UGT1A10: variants seen among roughly 807,000 people sequenced by gnomAD.
The protein encoded by UGT1A10 is UDP glucuronosyltransferase family 1 member A10, also known as UDP-glucuronosyltransferase 1A10.
In UGT1A10, 49 loss-of-function variants were observed where a neutral mutation model predicts 45.8. That is an observed-to-expected ratio of 1.07 (90% CI 0.85 to 1.36). UGT1A10 has a LOEUF of 1.36. Among genes scored for constraint, UGT1A10 ranks in the 40% most tolerant of loss-of-function variants. The probability of loss-of-function intolerance (pLI) is 0.00; values close to 1 mark genes in which losing one functional copy is unlikely to be tolerated. For missense variants in UGT1A10, 745 were observed against 668.6 expected (o/e 1.11, Z -1.26); for synonymous variants, 284 against 249.7 (o/e 1.14, Z -1.29).
chr2:233,746,671 G>C (rs1345040800), intron 1 of UGT1A10, among the ~76,000 whole-genome samples: 1 of 151,792 alleles, frequency 6.6e-6, no homozygotes, highest in East Asian at 1.9e-4. Flanking sequence ...TCCTAGCATA[G>C]TAGGTAGGGC....
intron 1 of UGT1A10, among the ~76,000 whole-genome samples, chr2:233,759,233 GA>G (rs1406502603): frequency 6.6e-6 from 1 of 152,188 alleles, no homozygotes; most frequent in Non-Finnish European, 1.5e-5. Flanking sequence ...ATGAAGGATG[GA>G]AACTTGCTTA....
chr2:233,729,976 A>T (rs201645683), intron 1 of UGT1A10: 1 of 1,614,046 alleles, frequency 6.2e-7, no homozygotes, highest in South Asian at 1.1e-5. Context: ...CTGTGCCAAC[A>T]GGAAGCCACT....
At chr2:233,689,817 A>G in intron 1 of UGT1A10, 1 of 442,316 alleles carries the variant, frequency 2.3e-6, no homozygotes, top group Admixed American at 2.5e-5. Context: ...GAAACCAAAC[A>G]TCTCTGGACT....
intron 1 of UGT1A10, among the ~76,000 whole-genome samples, chr2:233,711,537 T>C (rs545731448): frequency 6.6e-6 from 1 of 152,282 alleles, no homozygotes; most frequent in African/African-American, 2.4e-5. Flanking sequence ...TCCCCGGGAA[T>C]CATCCTCCCC....
At chr2:233,695,006 T>C (rs184131537) in intron 1 of UGT1A10, among the ~76,000 whole-genome samples, 12 of 152,350 alleles carry the variant, frequency 7.9e-5, no homozygotes, top group African/African-American at 2.2e-4. Context: ...TCTTCATTTC[T>C]AGCTATTTTG....
intron 1 of UGT1A10, among the ~76,000 whole-genome samples, chr2:233,656,340 G>T (rs2073852822): frequency 6.6e-6 from 1 of 152,186 alleles, no homozygotes; most frequent in South Asian, 2.1e-4. Flanking sequence ...CCAGTCACTG[G>T]TCTTCTTACC....
Position 233,731,284 on chromosome 2 carries a change from C to CTT in UGT1A10, c.856-35737_856-35736dup, listed in dbSNP as rs78127606. 2.2e-3 allele frequency among the ~76,000 whole-genome samples: 301 copies of CTT among 139,786 alleles called. 4 individuals are homozygous for CTT. Among genetic ancestry groups the CTT allele is most frequent in the African/African-American group, 6.8e-3 (261 of 38,534 alleles). 91.7% of individuals were successfully genotyped at this position (139,786 alleles called of 152,430 possible). A position where few individuals can be genotyped will look rare whatever the true frequency, so the allele number is the denominator to read the frequency against. On this transcript the variant is annotated intron_variant, in intron 1 of 4. Coordinates refer to ENST00000344644, the MANE Select transcript of UGT1A10 (RefSeq NM_019075.4). The stretch of plus-strand genomic sequence containing the variant: ...ACTGTTGCCCTTCCAGTTTTTCTTT[C>CTT]TTTTTTTTTTTTTTATTATACTTTA...
chr2:233,721,442 T>G (rs543362846), intron 1 of UGT1A10: 10 of 162,688 alleles, frequency 6.1e-5, no homozygotes, highest in Admixed American at 1.3e-4. Context: ...TTAATGTTGT[T>G]ATAGTGAGCA....
intron 1 of UGT1A10, chr2:233,747,298 G>T: frequency 6.2e-7 from 1 of 1,602,264 alleles, no homozygotes; most frequent in Non-Finnish European, 8.5e-7. Flanking sequence ...GGCTGAGAGT[G>T]GGAAGGTGCT....
chr2:233,724,361 G>C (rs2077237961), intron 1 of UGT1A10, among the ~76,000 whole-genome samples: 2 of 148,044 alleles, frequency 1.4e-5, no homozygotes, highest in African/African-American at 2.5e-5. Context: ...CTCCCTCCCG[G>C]ACGGGGTGGC....
intron 1 of UGT1A10, among the ~76,000 whole-genome samples, chr2:233,709,506 C>T (rs2076079939): frequency 6.6e-6 from 1 of 152,128 alleles, no homozygotes; most frequent in African/African-American, 2.4e-5. Context: ...CTGCCTCTTG[C>T]TCTCTTTTAG....
chr2:233,692,756 A>G, intron 1 of UGT1A10: 3 of 1,156,272 alleles, frequency 2.6e-6, no homozygotes, highest in Non-Finnish European at 2.3e-6. Flanking sequence ...AGACTTGTGG[A>G]GCTGAAGAGA....
chr2:233,650,101 G>T (rs1399428482), intron 1 of UGT1A10, among the ~76,000 whole-genome samples: 5 of 152,120 alleles, frequency 3.3e-5, no homozygotes, highest in Admixed American at 1.3e-4. Flanking sequence ...CTCCTGAGTA[G>T]CTGGGATTAT....
At position 233,772,374 on chromosome 2, in the gene UGT1A10, C is replaced by T. The variant is rs773725816; in HGVS notation, c.1408C>T (p.His470Tyr). Reference protein sequence around the residue: ...EFVMRHKGAPHLRPAAHDLTW... With the variant: ...EFVMRHKGAPYLRPAAHDLTW... ...TGTGATGAGGCACAAGGGCGCGCCA[C>T]ACCTGCGCCCCGCAGCCCACGACCT... is the stretch of plus-strand genomic sequence containing the variant. The change falls in exon 5 of 5, where the codon CAC becomes TAC. Residue 470 changes from histidine (H) to tyrosine (Y), a missense_variant. Transcript: ENST00000344644. 1.2e-6 allele frequency: 2 copies of T among 1,614,266 alleles called. No individual in the cohort carries two copies. Among genetic ancestry groups the T allele is most frequent in the South Asian group, 2.2e-5 (2 of 91,082 alleles).
intron 1 of UGT1A10, among the ~76,000 whole-genome samples, chr2:233,652,375 G>T (rs1195466256): frequency 6.6e-6 from 1 of 152,000 alleles, no homozygotes; most frequent in Non-Finnish European, 1.5e-5. Flanking sequence ...TTATTATACT[G>T]ATTCATGTAT....
intron 1 of UGT1A10, chr2:233,729,881 C>T (rs1164878821): frequency 1.9e-6 from 3 of 1,613,778 alleles, no homozygotes; most frequent in Admixed American, 3.3e-5. Flanking sequence ...CTCAGTCATG[C>T]ATCTGTGTGG....
At chr2:233,696,454 G>T (rs1177570057) in intron 1 of UGT1A10, among the ~76,000 whole-genome samples, 1 of 152,112 alleles carries the variant, frequency 6.6e-6, no homozygotes, top group Non-Finnish European at 1.5e-5. Context: ...AAATGCTACT[G>T]ATTTTTGTAA....
At chr2:233,646,597 CA>C (rs1482693829) in intron 1 of UGT1A10, among the ~76,000 whole-genome samples, 1 of 151,734 alleles carries the variant, frequency 6.6e-6, no homozygotes, top group Non-Finnish European at 1.5e-5. Flanking sequence ...ATCACTAGGT[CA>C]GGGGCAAAAT....
At chr2:233,657,565 C>T (rs1299837071) in intron 1 of UGT1A10, among the ~76,000 whole-genome samples, 1 of 152,172 alleles carries the variant, frequency 6.6e-6, no homozygotes, top group East Asian at 1.9e-4. Context: ...GTGAGAGATC[C>T]ATCCCTGTAA....
Sources: gnomAD v4.1 joint callset for allele counts (sites outside exome capture counted in the v4.1 genomes callset) on GRCh38, gnomAD v4.1.1 for gene constraint, MANE v1.5 for transcripts, NCBI Gene and HGNC (gene_info 2026-07-23, HGNC 2026-07-21) for gene names.